The following SVBP variants were observed in gnomAD, a reference collection of about 807,000 sequenced individuals.
SVBP encodes the protein small vasohibin-binding protein.
A neutral mutation model predicts 9.2 loss-of-function variants in SVBP; 9 were observed. That is an observed-to-expected ratio of 0.98 (90% confidence interval 0.59 to 1.71). SVBP has a LOEUF of 1.71. Ranked by LOEUF, SVBP falls within the 40% of genes most tolerant of loss-of-function variation. The pLI, the probability that SVBP is intolerant of heterozygous loss-of-function variation, is 0.00. For missense variants in SVBP, 63 were observed against 73.2 expected (o/e 0.86, Z 0.51); for synonymous variants, 27 against 23.9 (o/e 1.13, Z -0.37).
intron 2 of SVBP, among the ~76,000 whole-genome samples, chr1:42,810,938 G>A (rs544528652): frequency 1.3e-5 from 2 of 152,220 alleles, no homozygotes; most frequent in Admixed American, 6.5e-5. Flanking sequence ...TCAGGAGTTC[G>A]AGACCAGCCT....
At chr1:42,813,772 TCTC>T in intron 2 of SVBP, 1 of 516,512 alleles carries the variant, frequency 1.9e-6, no homozygotes, top group Middle Eastern at 6.9e-4. Flanking sequence ...TAGCTTCTGT[TCTC>T]CTGCTTCAGG....
chr1:42,813,542 C>T, intron 2 of SVBP: 5 of 532,722 alleles, frequency 9.4e-6, no homozygotes, highest in South Asian at 7.0e-5. Context: ...TCAAAATTTT[C>T]ATTCTGAACA....
chr1:42,811,421 T>C (rs1451371469), intron 2 of SVBP, among the ~76,000 whole-genome samples: 1 of 152,210 alleles, frequency 6.6e-6, no homozygotes, highest in Non-Finnish European at 1.5e-5. Context: ...GCTATGCATG[T>C]GTAGGCTTGG....
At chr1:42,809,764 T>C (rs959344820) in intron 2 of SVBP, among the ~76,000 whole-genome samples, 1 of 152,200 alleles carries the variant, frequency 6.6e-6, no homozygotes. Flanking sequence ...AAATTTTATG[T>C]ATATTTTACC....
chr1:42,810,158 ATTTT>A lies in SVBP; in HGVS notation c.115-2662_115-2659del, dbSNP rs1293576161. Among the ~76,000 whole-genome samples, 4 of 146,946 alleles carry A rather than the reference ATTTT, an allele frequency of 2.7e-5. No individual in the cohort carries two copies. In the South Asian group the frequency reaches 6.3e-4, roughly 23 times the overall value. ...CACACACACACACACACACACATAT[ATTTT>A]TTTTGTGAGCAGAGTCTTGCTCTGT... On this transcript the variant is annotated intron_variant, in intron 2 of 2. Coordinates refer to ENST00000372521, the MANE Select transcript of SVBP (RefSeq NM_199342.4).
intron 2 of SVBP, among the ~76,000 whole-genome samples, chr1:42,810,117 T>TAC (rs1260764884): frequency 9.8e-5 from 11 of 112,644 alleles, no homozygotes; most frequent in Non-Finnish European, 1.5e-4. Flanking sequence ...CACACACACA[T>TAC]ACATACATAC....
In SVBP at chr1:42,816,569, G is replaced by C. The variant is rs775161924; in HGVS notation, c.-25C>G. 7.9e-6 allele frequency: 12 copies of C among 1,520,718 alleles called. No individual in the cohort carries two copies. Among genetic ancestry groups the C allele is most frequent in the Non-Finnish European group, 1.0e-5 (11 of 1,095,290 alleles). 94.2% of individuals were successfully genotyped at this position (1,520,718 alleles called of 1,614,324 possible). On this transcript the variant is annotated 5_prime_UTR_variant, in exon 2 of 3. Transcript: ENST00000372521. ...TGGCTTGACTTCTGGATATTTCTTAGGAGGCTCTGATCTGGGTGGTACAGA... is the reference window on the plus strand; with the variant it reads ...TGGCTTGACTTCTGGATATTTCTTACGAGGCTCTGATCTGGGTGGTACAGA...
intron 1 of SVBP, 63 bp from the exon 2 acceptor site, chr1:42,816,643 T>TA (rs1275670295): frequency 1.9e-5 from 16 of 825,186 alleles, no homozygotes; most frequent in Non-Finnish European, 6.0e-6. Flanking sequence ...CCCTGCCAGT[T>TA]ACTCCTCTAA....
chr1:42,815,840 A>G (rs1654190356), intron 2 of SVBP, among the ~76,000 whole-genome samples: 1 of 152,248 alleles, frequency 6.6e-6, no homozygotes, highest in Non-Finnish European at 1.5e-5. Context: ...AAAAGGATGT[A>G]AGACAGGAAA....
chr1:42,810,313 A>G (rs894983199), intron 2 of SVBP, among the ~76,000 whole-genome samples: 2 of 151,946 alleles, frequency 1.3e-5, no homozygotes, highest in Non-Finnish European at 2.9e-5. Context: ...GTGCCTGGCT[A>G]ATTTTTTGTA....
intron 2 of SVBP, among the ~76,000 whole-genome samples, chr1:42,808,193 GTATA>G (rs1002334888): frequency 1.6e-5 from 2 of 122,026 alleles, no homozygotes; most frequent in Non-Finnish European, 3.4e-5. Context: ...ACTATGTATA[GTATA>G]TATAGCTTAT....
rs199697064 is a variant in SVBP at position 42,807,169 on chromosome 1, TAA to T, written c.*243_*244del. 0.18 allele frequency: 48,341 copies of T among 267,572 alleles called. 5,554 individuals carry two copies. The highest frequency in any genetic ancestry group is 0.23 in the Admixed American group (4,225 of 18,378). 16.6% of individuals were successfully genotyped at this position (267,572 alleles called of 1,614,324 possible). On this transcript the variant is annotated 3_prime_UTR_variant, in exon 3 of 3. Coordinates refer to ENST00000372521, the MANE Select transcript of SVBP (RefSeq NM_199342.4). ...TTTGTGTGTGTTTTTTTTTTTTTTTTAAAAAAACCCAAAAAACAAAACCACTG... is the reference window on the plus strand; with the variant it reads ...TTTGTGTGTGTTTTTTTTTTTTTTTTAAAAACCCAAAAAACAAAACCACTG...
intron 2 of SVBP, among the ~76,000 whole-genome samples, chr1:42,810,381 C>CAT (rs1654059059): frequency 2.6e-5 from 4 of 152,010 alleles, no homozygotes; most frequent in Non-Finnish European, 5.9e-5. Flanking sequence ...CTCCTGACCT[C>CAT]GTGATCTGCC....
Position 42,812,418 on chromosome 1 carries a change from C to T in SVBP, c.114+4013G>A, listed in dbSNP as rs578213864. ...CTTGTTGCTCTTAAATGAGCAAAAC[C>T]AAATTTCTTTTTTATTTAATGAAAT... is the stretch of plus-strand genomic sequence containing the variant. On this transcript the variant is annotated intron_variant, in intron 2 of 2. Transcript: ENST00000372521. 2.0e-5 allele frequency among the ~76,000 whole-genome samples: 3 copies of T among 152,238 alleles called. No homozygotes were observed. The East Asian group carries it at 5.8e-4, about 29-fold the overall frequency.
rs529887496 is a variant in SVBP at position 42,811,052 on chromosome 1, T to C, written c.115-3552A>G. Among the ~76,000 whole-genome samples the C allele has an allele frequency of 1.2e-4, 19 of 152,248 alleles. 2 individuals carry two copies. Among genetic ancestry groups the C allele is most frequent in the African/African-American group, 4.3e-4 (18 of 41,528 alleles). Reference sequence around the variant, plus strand: ...TACTCAGGAGGCTGATACAGGAGAATTGCTTGAACCTGGGAGGTGGAGGTT... The same window carrying C: ...TACTCAGGAGGCTGATACAGGAGAACTGCTTGAACCTGGGAGGTGGAGGTT... On this transcript the variant is annotated intron_variant, in intron 2 of 2. Transcript: ENST00000372521.
chr1:42,813,473 T>TACC, intron 2 of SVBP: 1 of 558,536 alleles, frequency 1.8e-6, no homozygotes, highest in South Asian at 1.4e-5. Context: ...TCTGGGCTCT[T>TACC]ACTGTTAGTG....
intron 2 of SVBP, chr1:42,813,671 G>A (rs892620084): frequency 1.9e-6 from 1 of 531,772 alleles, no homozygotes; most frequent in Non-Finnish European, 3.8e-6. Flanking sequence ...CAGAGCATTT[G>A]TTGTACACGG....
chr1:42,810,447 C>A (rs1314758230), intron 2 of SVBP, among the ~76,000 whole-genome samples: 2 of 151,928 alleles, frequency 1.3e-5, no homozygotes, highest in Non-Finnish European at 2.9e-5. Context: ...TGCCCGGGCC[C>A]ACATATATAC....
chr1:42,814,002 T>TC (rs1380348220), intron 2 of SVBP: 1 of 184,468 alleles, frequency 5.4e-6, no homozygotes, highest in African/African-American at 2.4e-5. Context: ...GAATGCAAGA[T>TC]CCATGAAGGC....
Sources: allele counts gnomAD v4.1 joint callset (sites outside exome capture counted in the v4.1 genomes callset), GRCh38; gene constraint gnomAD v4.1.1; transcripts MANE v1.5; gene names NCBI Gene and HGNC (gene_info 2026-07-23, HGNC 2026-07-21).